Variants in U2AF1L4 observed in about 807,000 individuals in gnomAD.
U2AF1L4 encodes U2 small nuclear RNA auxiliary factor 1 like 4, also known as splicing factor U2AF 26 kDa subunit.
In U2AF1L4, 21 loss-of-function variants were observed where a neutral mutation model predicts 21.7. The observed-to-expected ratio is 0.97, with a 90% CI of 0.69 to 1.39. U2AF1L4 has a LOEUF of 1.39. U2AF1L4 is among the 40% of genes most tolerant of loss of function. The pLI, the probability that U2AF1L4 is intolerant of heterozygous loss-of-function variation, is 0.00. For synonymous variants in U2AF1L4, 92 were observed against 89.7 expected, an observed-to-expected ratio of 1.03 and a Z score of -0.15; for missense variants, 259 against 245.7, an observed-to-expected ratio of 1.05 and a Z score of -0.36.
chr19:35,742,476 T>A (rs767201732), downstream of U2AF1L4: 2 of 1,556,084 alleles, frequency 1.3e-6, no homozygotes, highest in Non-Finnish European at 1.7e-6. Flanking sequence ...TGTTTCCCCT[T>A]TTCGTCACAT....
chr19:35,742,487 G>A (rs1266444543), downstream of U2AF1L4: 1 of 1,569,358 alleles, frequency 6.4e-7, no homozygotes. Flanking sequence ...TTCGTCACAT[G>A]TGTGGGTGGA....
chr19:35,742,656 G>A lies in U2AF1L4; in HGVS notation c.*63C>T. 6.2e-7 allele frequency: 1 copy of A among 1,613,476 alleles called. No homozygotes were observed. Among genetic ancestry groups the A allele is most frequent in the East Asian group, 2.2e-5 (1 of 44,882 alleles). On this transcript the variant is annotated 3_prime_UTR_variant, in exon 6 of 6. Coordinates refer to ENST00000378975, the MANE Select transcript of U2AF1L4 (RefSeq NM_001040425.3). Reference sequence around the variant, plus strand: ...GGGGCAGGAGAGTGAAGGGGGCTTTGAGGAGAGGTCCTGCCAGGAACATCT... The same window carrying A: ...GGGGCAGGAGAGTGAAGGGGGCTTTAAGGAGAGGTCCTGCCAGGAACATCT...
Position 35,743,841 on chromosome 19 carries a change from C to T in U2AF1L4, c.429G>A (p.Gln143=), listed in dbSNP as rs772869822. Residue 143 remains glutamine, a synonymous_variant, in exon 5 of 6, where the codon CAG becomes CAA. Transcript: ENST00000378975. ...TGGGTCCCCGCCCATAGAGCTGCCT[C>T]TGGAGGTTCTGGGAAATGGGCCGCA... ...MHLRPISQNL[Q]RQLYGRGPRR... is the part of the protein sequence containing the mutation. The T allele has an allele frequency of 6.2e-7, 1 of 1,613,212 alleles. No homozygotes were observed. The highest frequency in any genetic ancestry group is 2.2e-5 in the East Asian group (1 of 44,840).
rs1970319149 is a variant in U2AF1L4, at chr19:35,742,744, G to A, written c.521C>T (p.Pro174Leu). Residue 174 changes from proline (P) to leucine (L), a missense_variant, in exon 6 of 6, where the codon CCT (proline) becomes CTT (leucine). By Grantham distance (98) the Pro-to-Leu change is moderately conservative (BLOSUM62 -3). Transcript: ENST00000378975. The stretch of plus-strand genomic sequence containing the variant: ...TCAGAAGCGGCCATGCCAGTGATCA[G>A]GGGAACACCGATGGTTCCTCTCTCG... The part of the protein sequence containing the change: ...HPRERNHRCS[P>L]DHWHGRF 2 of 1,610,936 alleles carry A rather than the reference G, an allele frequency of 1.2e-6. No individual in the cohort carries two copies.
Position 35,744,032 on chromosome 19 carries a change from G to C in U2AF1L4, c.345C>G (p.Cys115Trp), listed in dbSNP as rs776030725. 5 of 1,614,026 alleles carry C rather than the reference G, an allele frequency of 3.1e-6. No homozygotes were observed. The highest frequency in any genetic ancestry group is 2.2e-5 in the South Asian group (2 of 91,084). Reference protein sequence around the residue: ...LSPVTDFRESCCRQYEMGECT... With the variant: ...LSPVTDFRESWCRQYEMGECT... ...CATACCCCATCTCATACTGGCGACA[G>C]CATGACTCCCGGAAGTCAGTGACAG... is the stretch of plus-strand genomic sequence containing the variant. Residue 115 changes from cysteine to tryptophan, a missense_variant, in exon 4 of 6, where the codon TGC becomes TGG. By Grantham distance (215) the Cys-to-Trp change is radical. Transcript: ENST00000378975.
chr19:35,743,373 C>CAAAAA lies in U2AF1L4; in HGVS notation c.461+431_461+435dup, dbSNP rs536755635. ...GCGGAAGAAGAGCAAAACTCCGTCT[C>CAAAAA]AAAAAAAAAAAAAAAAAAAAAAAAA... On this transcript the variant is annotated intron_variant, in intron 5 of 5. Transcript: ENST00000378975. 4.7e-4 allele frequency: 37 copies of CAAAAA among 78,288 alleles called. 1 individual carries two copies. The highest frequency in any genetic ancestry group is 9.0e-4 in the South Asian group (7 of 7,762). 4.8% of individuals were successfully genotyped at this position (78,288 alleles called of 1,614,324 possible). A position where few individuals can be genotyped will look rare whatever the true frequency, so the allele number is the denominator to read the frequency against.
chr19:35,742,919 C>G lies in U2AF1L4; in HGVS notation c.462-116G>C, dbSNP rs77251886. The G allele has an allele frequency of 9.2e-6, 9 of 976,746 alleles. No homozygotes were observed. In the South Asian group the frequency reaches 1.3e-4, roughly 14 times the overall value. The allele number at this position is 976,746 out of a possible 1,614,324, so 60.5% of individuals were successfully genotyped here. A position where few individuals can be genotyped will look rare whatever the true frequency, so the allele number is the denominator to read the frequency against. On this transcript the variant is annotated intron_variant, in intron 5 of 5. Coordinates refer to ENST00000378975, the MANE Select transcript of U2AF1L4 (RefSeq NM_001040425.3). Reference sequence around the variant, plus strand: ...GGAGGGTGCTGAAATAACTAGAGTTCTAAGACACGACCTCAGTGGCCAGTA... The same window carrying G: ...GGAGGGTGCTGAAATAACTAGAGTTGTAAGACACGACCTCAGTGGCCAGTA...
At position 35,744,053 on chromosome 19, in the gene U2AF1L4, G is replaced by C; in HGVS notation, c.324C>G (p.Val108=). 6.2e-7 allele frequency: 1 copy of C among 1,614,036 alleles called. No individual in the cohort carries two copies. Residue 108 remains valine (V), a synonymous_variant, in exon 4 of 6, where the codon GTC becomes GTG. Transcript: ENST00000378975. ...GQAVHGELSP[V]TDFRESCCRQ... Reference sequence around the variant, plus strand: ...GACAGCATGACTCCCGGAAGTCAGTGACAGGAGACAGCTCACCGTGCACAG... The same window carrying C: ...GACAGCATGACTCCCGGAAGTCAGTCACAGGAGACAGCTCACCGTGCACAG...
Position 35,742,527 on chromosome 19 carries a change from TTGATGCCGAAG to T in U2AF1L4, c.*181_*191del. 1 of 1,607,260 alleles carries T rather than the reference TTGATGCCGAAG, an allele frequency of 6.2e-7. No individual in the cohort carries two copies. The highest frequency in any genetic ancestry group is 8.5e-7 in the Non-Finnish European group (1 of 1,177,690). On this transcript the variant is annotated 3_prime_UTR_variant, in exon 6 of 6. Transcript: ENST00000378975. The stretch of plus-strand genomic sequence containing the variant: ...AATGCCAAACCACAGCAAAAGCAAG[TTGATGCCGAAG>T]TGAAACACGCAGCTTTATTAAGACA...
chr19:35,744,754 G>C (rs34632325), intron 2 of U2AF1L4: 134,997 of 1,530,216 alleles, frequency 0.088, 6,553 homozygotes, highest in African/African-American at 0.17. Flanking sequence ...TGAACAGAGA[G>C]TGAGGCATGA....
intron 3 of U2AF1L4, 85 bp from the exon 4 acceptor site, chr19:35,744,230 T>A (rs886589336): frequency 6.2e-7 from 1 of 1,605,884 alleles, no homozygotes; most frequent in Non-Finnish European, 8.5e-7. Flanking sequence ...GGACTGGATT[T>A]AGTGATGAAA....
rs746675756 is a variant in U2AF1L4 at position 35,745,401 on chromosome 19, A to C, written c.-10T>G. 6.2e-7 allele frequency: 1 copy of C among 1,614,114 alleles called. No individual in the cohort carries two copies. On this transcript the variant is annotated 5_prime_UTR_variant, in exon 1 of 6. Transcript: ENST00000378975. ...CTAAATATTCAGCCATTTTTACCCA[A>C]GCCCTCCAGGTCTGGCTGCTCTTAC...
chr19:35,744,096 C>A lies in U2AF1L4; in HGVS notation c.281G>T (p.Arg94Leu), dbSNP rs773983497. Residue 94 changes from arginine (R) to leucine (L), a missense_variant, in exon 4 of 6, where the codon CGC becomes CTC. Coordinates refer to ENST00000378975, the MANE Select transcript of U2AF1L4 (RefSeq NM_001040425.3). The stretch of plus-strand genomic sequence containing the variant: ...GTGCACAGCCTGCCCGTTGAACCAG[C>A]GGTTACTGAGTTCAGCCACGGCCCG... ...GERAVAELSNRWFNGQAVHGE... is the reference protein window; with the variant it reads ...GERAVAELSNLWFNGQAVHGE... 6 of 1,613,838 alleles carry A rather than the reference C, an allele frequency of 3.7e-6. No homozygotes were observed. The South Asian group carries it at 6.6e-5, about 18-fold the overall frequency.
chr19:35,743,740 G>T, intron 5 of U2AF1L4, 69 bp downstream of exon 5: 1 of 1,334,632 alleles, frequency 7.5e-7, no homozygotes, highest in Non-Finnish European at 1.1e-6. Flanking sequence ...TGGGGCTTAG[G>T]GTTAGGCTCA....
intron 1 of U2AF1L4, 57 bp downstream of exon 1, chr19:35,745,291 G>GACCCCAGT (rs1970523687): frequency 1.3e-6 from 2 of 1,596,426 alleles, no homozygotes; most frequent in Non-Finnish European, 8.6e-7. Flanking sequence ...CACCACCCAG[G>GACCCCAGT]ACCCCAGTAC....
In U2AF1L4 at chr19:35,745,181, C is replaced by CT. The variant is rs1568398840; in HGVS notation, c.75_76insA (p.Val26SerfsTer33). The stretch of plus-strand genomic sequence containing the variant: ...GAGCACCGGTCCCCGTGCCGGCAGA[C>CT]CCCGATCTTAAAGTAAAAAGAGCAG... On this transcript the variant is annotated frameshift_variant, in exon 2 of 6. Coordinates refer to ENST00000378975, the MANE Select transcript of U2AF1L4 (RefSeq NM_001040425.3). LOFTEE classifies it high-confidence loss of function. 1.2e-6 allele frequency: 2 copies of CT among 1,613,750 alleles called. No homozygotes were observed. Among genetic ancestry groups the CT allele is most frequent in the Non-Finnish European group, 1.7e-6 (2 of 1,180,030 alleles).
chr19:35,745,076 G>A (rs748315883), intron 2 of U2AF1L4, 49 bp downstream of exon 2: 1 of 1,568,184 alleles, frequency 6.4e-7, no homozygotes, highest in Non-Finnish European at 8.7e-7. Context: ...CCCCAGAAGG[G>A]GAAGGGCCAG....
intron 1 of U2AF1L4, 34 bp from the exon 2 acceptor site, chr19:35,745,246 G>T: frequency 6.2e-7 from 1 of 1,609,734 alleles, no homozygotes; most frequent in Non-Finnish European, 8.5e-7. Context: ...GTGAACCGAG[G>T]GCCGGGGAAG....
rs1350963404 is a variant in U2AF1L4 at position 35,745,146 on chromosome 19, G to T, written c.111C>A (p.His37Gln). 1 of 1,613,334 alleles carries T rather than the reference G, an allele frequency of 6.2e-7. No individual in the cohort carries two copies. The highest frequency in any genetic ancestry group is 8.5e-7 in the Non-Finnish European group (1 of 1,180,008). ...CRHGDRCSRLHNKPTFSQEVF... is the reference protein window; with the variant it reads ...CRHGDRCSRLQNKPTFSQEVF... ...TCACCTGGCTGAATGTCGGCTTGTT[G>T]TGAAGCCGGGAGCACCGGTCCCCGT... is the stretch of plus-strand genomic sequence containing the variant. The change falls in exon 2 of 6, where the codon CAC becomes CAA. Residue 37 changes from histidine to glutamine, a missense_variant. Transcript: ENST00000378975.
Sources: allele counts gnomAD v4.1 joint callset, GRCh38; gene constraint gnomAD v4.1.1; transcripts MANE v1.5; gene names NCBI Gene and HGNC (gene_info 2026-07-23, HGNC 2026-07-21).